BMPER: variants seen among roughly 807,000 people sequenced by gnomAD.
BMPER encodes BMP binding endothelial regulator.
In BMPER, 45 loss-of-function variants were observed where a neutral mutation model predicts 87.3. That is an observed-to-expected ratio of 0.52 (90% CI 0.41 to 0.66). BMPER has a LOEUF of 0.66. BMPER is among the 30% of genes least tolerant of loss of function. BMPER has a pLI of 0.00. For synonymous variants in BMPER, 326 were observed against 316.2 expected (o/e 1.03, Z -0.33); for missense variants, 784 against 867.5 (o/e 0.90, Z 1.21).
At chr7:34,050,987 T>G (rs1788133961) in intron 7 of BMPER, among the ~76,000 whole-genome samples, 1 of 152,196 alleles carries the variant, frequency 6.6e-6, no homozygotes, top group Admixed American at 6.5e-5. Flanking sequence ...TCTACTCTAA[T>G]AAAATACTAT....
chr7:33,905,644 G>A lies in BMPER; in HGVS notation c.31G>A (p.Ala11Thr). 1 of 1,613,224 alleles carries A rather than the reference G, an allele frequency of 6.2e-7. No homozygotes were observed. The highest frequency in any genetic ancestry group is 8.5e-7 in the Non-Finnish European group (1 of 1,179,940). Residue 11 changes from alanine (A) to threonine (T), a missense_variant, in exon 1 of 15, where the codon GCT (alanine) becomes ACT (threonine). Physicochemically the swap from Ala to Thr is moderately conservative, Grantham distance 58 (BLOSUM62 0). Coordinates refer to ENST00000649409, the MANE Select transcript of BMPER (RefSeq NM_001365308.1). MLWFSGVGAL[A>T]ERYCRRSPGI... is the part of the protein sequence containing the mutation. ...CTGGTTCTCCGGCGTCGGGGCTCTGGCTGAGCGTTACTGCCGCCGCTCGCC... is the reference window on the plus strand; with the variant it reads ...CTGGTTCTCCGGCGTCGGGGCTCTGACTGAGCGTTACTGCCGCCGCTCGCC...
chr7:33,959,561 A>G (rs534948782), intron 3 of BMPER, among the ~76,000 whole-genome samples: 1 of 152,292 alleles, frequency 6.6e-6, no homozygotes, highest in Admixed American at 6.5e-5. Flanking sequence ...GCCCTGAGCA[A>G]TAGGCACTCC....
At chr7:34,066,133 C>T (rs767317481) in intron 11 of BMPER, among the ~76,000 whole-genome samples, 2 of 152,172 alleles carry the variant, frequency 1.3e-5, no homozygotes, top group Non-Finnish European at 1.5e-5. Context: ...AAAGGAGTAA[C>T]GAAGAGGAAA....
chr7:34,002,612 A>G (rs988543854), intron 6 of BMPER, among the ~76,000 whole-genome samples: 3 of 151,880 alleles, frequency 2.0e-5, no homozygotes, highest in East Asian at 3.9e-4. Context: ...TCTATTATTG[A>G]AAGTAGAGTA....
chr7:33,985,002 C>T (rs1396837124), intron 6 of BMPER, among the ~76,000 whole-genome samples: 3 of 152,162 alleles, frequency 2.0e-5, no homozygotes, highest in Non-Finnish European at 4.4e-5. Flanking sequence ...CCATGTTTGT[C>T]TGTTTTGTGT....
At chr7:34,025,091 G>A (rs748686511) in intron 6 of BMPER, among the ~76,000 whole-genome samples, 4 of 152,008 alleles carry the variant, frequency 2.6e-5, no homozygotes, top group African/African-American at 4.8e-5. Flanking sequence ...TAGACTTCAC[G>A]CAAATTGTTT....
chr7:33,907,055 A>T, intron 2 of BMPER, 152 bp downstream of exon 2: 1 of 789,980 alleles, frequency 1.3e-6, no homozygotes, highest in Non-Finnish European at 2.1e-6. Context: ...AATCCAGTTA[A>T]TTTCTGAGTT....
chr7:34,155,006 T>TTATCTGTAACA lies in BMPER; in HGVS notation c.*1733_*1734insTATCTGTAACA, dbSNP rs1791274948. 6.6e-6 allele frequency: 1 copy of TTATCTGTAACA among 152,176 alleles called. No homozygotes were observed. Among genetic ancestry groups the TTATCTGTAACA allele is most frequent in the Non-Finnish European group, 1.5e-5 (1 of 68,024 alleles). The allele number at this position is 152,176 out of a possible 1,614,324, so 9.4% of individuals were successfully genotyped here. ...CCCATTATTTAAGCATTTGGGGGTC[T>TTATCTGTAACA]CACTTTTGCTTATCTGTAACACAAA... is the stretch of plus-strand genomic sequence containing the variant. On this transcript the variant is annotated 3_prime_UTR_variant, in exon 15 of 15. Transcript: ENST00000649409.
chr7:34,053,555 CAT>C (rs1306343488), intron 8 of BMPER, among the ~76,000 whole-genome samples: 1 of 152,164 alleles, frequency 6.6e-6, no homozygotes, highest in Non-Finnish European at 1.5e-5. Flanking sequence ...TCAATTAACA[CAT>C]ATTTTGTATG....
intron 14 of BMPER, among the ~76,000 whole-genome samples, chr7:34,149,224 A>G (rs1791109037): frequency 6.6e-6 from 1 of 152,214 alleles, no homozygotes; most frequent in Non-Finnish European, 1.5e-5. Context: ...GCAGATTCAG[A>G]GCAACAACCT....
chr7:33,963,639 C>T lies in BMPER; in HGVS notation c.320-2840C>T, dbSNP rs564547383. Among the ~76,000 whole-genome samples the T allele has an allele frequency of 8.7e-4, 133 of 152,046 alleles. 1 individual carries two copies. The highest frequency in any genetic ancestry group is 3.1e-3 in the African/African-American group (127 of 41,482). ...TGAAACCCTGTCTCTACTAAAAATA[C>T]AAAAATTAGCCGGGCGTGGTGGCAG... On this transcript the variant is annotated intron_variant, in intron 3 of 14. Coordinates refer to ENST00000649409, the MANE Select transcript of BMPER (RefSeq NM_001365308.1).
intron 6 of BMPER, among the ~76,000 whole-genome samples, chr7:34,035,231 A>ATTG (rs1787631579): frequency 6.6e-6 from 1 of 152,202 alleles, no homozygotes; most frequent in African/African-American, 2.4e-5. Context: ...ACTTCATGAC[A>ATTG]TTGTACTTAC....
intron 6 of BMPER, among the ~76,000 whole-genome samples, chr7:33,978,032 A>G (rs1785734346): frequency 1.3e-5 from 2 of 152,200 alleles, no homozygotes; most frequent in Non-Finnish European, 2.9e-5. Context: ...GTCCCCCAAA[A>G]TTCATGGGTT....
chr7:33,993,844 G>A (rs1209310090), intron 6 of BMPER, among the ~76,000 whole-genome samples: 9 of 152,162 alleles, frequency 5.9e-5, no homozygotes, highest in Non-Finnish European at 1.3e-4. Flanking sequence ...TAACAGACAG[G>A]ACCCTCAGCT....
chr7:34,120,441 C>A (rs887116725), intron 13 of BMPER, among the ~76,000 whole-genome samples: 1 of 152,074 alleles, frequency 6.6e-6, no homozygotes, highest in Non-Finnish European at 1.5e-5. Context: ...TCTCGTTGCC[C>A]AGACTGGAGT....
At chr7:34,134,383 G>A (rs920980578) in intron 13 of BMPER, among the ~76,000 whole-genome samples, 17 of 152,132 alleles carry the variant, frequency 1.1e-4, no homozygotes, top group Non-Finnish European at 1.8e-4. Context: ...CACTAGAGGG[G>A]GGTCGTGACC....
chr7:34,050,176 G>T (rs1037729482), intron 7 of BMPER, among the ~76,000 whole-genome samples: 1 of 152,130 alleles, frequency 6.6e-6, no homozygotes, highest in Non-Finnish European at 1.5e-5. Flanking sequence ...GCGTTAGTTG[G>T]GGAATTAACA....
At chr7:34,082,944 C>A (rs566082177) in intron 12 of BMPER, among the ~76,000 whole-genome samples, 2 of 152,282 alleles carry the variant, frequency 1.3e-5, no homozygotes, top group Admixed American at 1.3e-4. Context: ...TTGATTTTCT[C>A]CCCTCATTTC....
intron 6 of BMPER, among the ~76,000 whole-genome samples, chr7:33,994,391 C>G (rs563007627): frequency 2.6e-5 from 4 of 152,170 alleles, no homozygotes; most frequent in Non-Finnish European, 4.4e-5. Context: ...TTCCAGGTGC[C>G]GTCTGTCACC....
Sources: allele counts gnomAD v4.1 joint callset (sites outside exome capture counted in the v4.1 genomes callset), GRCh38; gene constraint gnomAD v4.1.1; transcripts MANE v1.5; gene names NCBI Gene and HGNC (gene_info 2026-07-23, HGNC 2026-07-21).